BICD1: variants seen among roughly 807,000 people sequenced by gnomAD.
BICD1 encodes BICD cargo adaptor 1, also known as protein bicaudal D homolog 1.
BICD1 carries 35 observed loss-of-function variants against 92.5 expected under a neutral mutation model. That is an observed-to-expected ratio of 0.38 (90% CI 0.29 to 0.50). The LOEUF is 0.50. BICD1 is among the 20% of genes least tolerant of loss of function. The pLI is 0.93. For missense variants in BICD1, 950 were observed against 1,189.8 expected (o/e 0.80, Z 2.97); for synonymous variants, 429 against 465.1 (o/e 0.92, Z 1.00).
intron 3 of BICD1, among the ~76,000 whole-genome samples, chr12:32,294,899 T>G (rs1592626243): frequency 6.6e-6 from 1 of 151,738 alleles, no homozygotes; most frequent in East Asian, 1.9e-4. Flanking sequence ...CTGGCCAACA[T>G]GATGAAACCC....
intron 1 of BICD1, among the ~76,000 whole-genome samples, chr12:32,151,057 A>C (rs1481841647): frequency 6.6e-6 from 1 of 152,214 alleles, no homozygotes; most frequent in African/African-American, 2.4e-5. Context: ...AGGCATCAAA[A>C]CAGATGGTGG....
chr12:32,287,899 C>T (rs1182603967), intron 2 of BICD1, among the ~76,000 whole-genome samples: 2 of 152,162 alleles, frequency 1.3e-5, no homozygotes, highest in Non-Finnish European at 2.9e-5. Context: ...ATCTGACAGC[C>T]CCACTGGGCC....
intron 2 of BICD1, among the ~76,000 whole-genome samples, chr12:32,287,214 TTTC>T (rs1477623090): frequency 1.3e-5 from 2 of 152,208 alleles, no homozygotes; most frequent in African/African-American, 4.8e-5. Flanking sequence ...AATTTAGCAT[TTTC>T]TTCTATTTGA....
At chr12:32,333,278 A>G (rs577876798) in intron 5 of BICD1, 9 of 981,664 alleles carry the variant, frequency 9.2e-6, no homozygotes, top group Non-Finnish European at 9.7e-6. Context: ...AATCTGTAAT[A>G]TTTCTGAAGA....
In BICD1 at chr12:32,337,411, T is replaced by C; in HGVS notation, c.2253-88T>C. ...AAACCAGTCTTCTAAATTTCTAAAT[T>C]TCGGTCAAATTTATTACTTTTCAGC... On this transcript the variant is annotated intron_variant, in intron 6 of 9. Transcript: ENST00000652176. This position sits in a 1 kb window ranked among gnomAD's most constrained non-coding sequence, Gnocchi z 4.7. 3 of 1,282,586 alleles carry C rather than the reference T, an allele frequency of 2.3e-6. No homozygotes were observed. Among genetic ancestry groups the C allele is most frequent in the Non-Finnish European group, 3.3e-6 (3 of 922,072 alleles). 79.5% of individuals were successfully genotyped at this position (1,282,586 alleles called of 1,614,324 possible). A position where few individuals can be genotyped will look rare whatever the true frequency, so the allele number is the denominator to read the frequency against.
At chr12:32,118,704 G>A (rs2121207887) in intron 1 of BICD1, among the ~76,000 whole-genome samples, 1 of 152,220 alleles carries the variant, frequency 6.6e-6, no homozygotes, top group African/African-American at 2.4e-5. Flanking sequence ...GTATCTGCAG[G>A]GGGTCCTGGA....
chr12:32,212,007 A>G (rs987407440), intron 1 of BICD1, among the ~76,000 whole-genome samples: 1 of 152,244 alleles, frequency 6.6e-6, no homozygotes, highest in Non-Finnish European at 1.5e-5. Context: ...TTATCACCAC[A>G]TCTGGAAATC....
intron 1 of BICD1, among the ~76,000 whole-genome samples, chr12:32,208,922 C>T (rs1945137103): frequency 6.6e-6 from 1 of 152,006 alleles, no homozygotes; most frequent in African/African-American, 2.4e-5. Context: ...CTCCTGGGTT[C>T]AAGCGATTCT....
intron 2 of BICD1, among the ~76,000 whole-genome samples, chr12:32,282,293 C>T (rs960972627): frequency 8.8e-5 from 13 of 147,216 alleles, no homozygotes; most frequent in African/African-American, 3.3e-4. Flanking sequence ...TGGTCTCGGC[C>T]CACTATAGCC....
At chr12:32,269,993 G>A (rs901265669) in intron 2 of BICD1, among the ~76,000 whole-genome samples, 4 of 151,586 alleles carry the variant, frequency 2.6e-5, no homozygotes, top group Admixed American at 6.6e-5. Context: ...GTGGTGGCAC[G>A]TACCTATAGT....
chr12:32,297,094 G>A (rs774077699), intron 3 of BICD1, among the ~76,000 whole-genome samples: 8 of 152,186 alleles, frequency 5.3e-5, no homozygotes, highest in Non-Finnish European at 5.9e-5. Context: ...GAACTGAAAT[G>A]CCACAAGTCT....
intron 1 of BICD1, among the ~76,000 whole-genome samples, chr12:32,121,649 T>C (rs1942153949): frequency 6.7e-6 from 1 of 149,526 alleles, no homozygotes; most frequent in Non-Finnish European, 1.5e-5. Flanking sequence ...GGTGGAAGGA[T>C]GGCTTGAGCC....
chr12:32,171,163 A>G (rs1943924197), intron 1 of BICD1, among the ~76,000 whole-genome samples: 1 of 152,198 alleles, frequency 6.6e-6, no homozygotes, highest in African/African-American at 2.4e-5. Context: ...GAAAGCAGAC[A>G]TGGTTACTTG....
chr12:32,359,587 C>G (rs10844193), intron 8 of BICD1, among the ~76,000 whole-genome samples: 59,637 of 151,862 alleles, frequency 0.39, 11,871 homozygotes, highest in East Asian at 0.44. Context: ...CCTTTATGAT[C>G]CAATCACCTC....
At chr12:32,151,621 A>C (rs934987766) in intron 1 of BICD1, among the ~76,000 whole-genome samples, 1 of 152,224 alleles carries the variant, frequency 6.6e-6, no homozygotes, top group Non-Finnish European at 1.5e-5. Context: ...GACCAAACAC[A>C]GTTGGTCAAA....
intron 8 of BICD1, among the ~76,000 whole-genome samples, chr12:32,341,768 A>C (rs926418959): frequency 6.6e-6 from 1 of 152,176 alleles, no homozygotes; most frequent in Admixed American, 6.5e-5. Context: ...GACCATCCAC[A>C]CCAAATAAAT....
At chr12:32,139,972 T>C (rs201004791) in intron 1 of BICD1, among the ~76,000 whole-genome samples, 1 of 152,196 alleles carries the variant, frequency 6.6e-6, no homozygotes, top group East Asian at 1.9e-4. Context: ...GAACCATCTG[T>C]CCGTGTACCG....
chr12:32,196,514 A>C (rs1482346145), intron 1 of BICD1, among the ~76,000 whole-genome samples: 1 of 152,240 alleles, frequency 6.6e-6, no homozygotes, highest in East Asian at 1.9e-4. Context: ...GATGGTAAGT[A>C]AAATAAGCCA....
chr12:32,143,545 A>C (rs1407886602), intron 1 of BICD1, among the ~76,000 whole-genome samples: 1 of 152,046 alleles, frequency 6.6e-6, no homozygotes, highest in African/African-American at 2.4e-5. Flanking sequence ...CCATTGTATG[A>C]TTGTACCACA....
Sources: allele counts gnomAD v4.1 joint callset (sites outside exome capture counted in the v4.1 genomes callset), GRCh38; gene constraint gnomAD v4.1.1; non-coding constraint Gnocchi (gnomAD v3.1); transcripts MANE v1.5; gene names NCBI Gene and HGNC (gene_info 2026-07-23, HGNC 2026-07-21).